FXR2: variants seen among roughly 807,000 people sequenced by gnomAD.
The protein encoded by FXR2 is RNA-binding protein FXR2.
In FXR2, 9 loss-of-function variants were observed where a neutral mutation model predicts 87.3. That is an observed-to-expected ratio of 0.10 (90% CI 0.06 to 0.18). FXR2 has a LOEUF of 0.18. Among genes scored for constraint, FXR2 ranks in the 10% least tolerant of loss-of-function variants. The probability of loss-of-function intolerance (pLI) is 1.00; values close to 1 mark genes in which losing one functional copy is unlikely to be tolerated. For synonymous variants in FXR2, 331 were observed against 328.3 expected, an observed-to-expected ratio of 1.01 and a Z score of -0.09; for missense variants, 661 against 893.6, an observed-to-expected ratio of 0.74 and a Z score of 3.32.
chr17:7,612,986 G>C (rs561992919), intron 1 of FXR2, among the ~76,000 whole-genome samples: 1 of 94,986 alleles, frequency 1.1e-5, no homozygotes, highest in East Asian at 3.7e-4. Context: ...AACAGGGCGA[G>C]ACTCCATCTC....
chr17:7,609,981 T>TATATATATATGCATATGTATAC (rs2071843638), intron 1 of FXR2, among the ~76,000 whole-genome samples: 4 of 48,542 alleles, frequency 8.2e-5, no homozygotes, highest in African/African-American at 2.0e-4. Context: ...TATGTATACA[T>TATATATATATGCATATGTATAC]ATATATATAC....
At position 7,609,933 on chromosome 17, in the gene FXR2, T is replaced by TATATATACATGTATATGTATAC. The variant is rs1555572209; in HGVS notation, c.82-3806_82-3785dup. On this transcript the variant is annotated intron_variant, in intron 1 of 16. Coordinates refer to ENST00000250113, the MANE Select transcript of FXR2 (RefSeq NM_004860.4). Reference sequence around the variant, plus strand: ...ATATGTATATATACATGTATATGTATATATATACATGTATATGTATACATA... The same window carrying TATATATACATGTATATGTATAC: ...ATATGTATATATACATGTATATGTATATATATACATGTATATGTATACATATATACATGTATATGTATACATA... Among the ~76,000 whole-genome samples, 753 of 103,744 alleles carry TATATATACATGTATATGTATAC rather than the reference T, an allele frequency of 7.3e-3. 9 individuals carry two copies. The highest frequency in any genetic ancestry group is 0.011 in the Non-Finnish European group (540 of 48,966). 68.1% of individuals were successfully genotyped at this position (103,744 alleles called of 152,430 possible). A position where few individuals can be genotyped will look rare whatever the true frequency, so the allele number is the denominator to read the frequency against.
rs2071670991 is a variant in FXR2, at chr17:7,592,456, C to T, written c.1825+48G>A. Reference sequence around the variant, plus strand: ...CTGATTTTCACAGGGGTGAGCATCCCATTCTCTCAGCTCTGAGGAAGGATT... The same window carrying T: ...CTGATTTTCACAGGGGTGAGCATCCTATTCTCTCAGCTCTGAGGAAGGATT... On this transcript the variant is annotated intron_variant, in intron 15 of 16. Coordinates refer to ENST00000250113, the MANE Select transcript of FXR2 (RefSeq NM_004860.4). The surrounding 1 kb of genome is among the most constrained non-coding windows in gnomAD (Gnocchi z 4.8). 1.9e-6 allele frequency: 3 copies of T among 1,576,200 alleles called. No individual in the cohort carries two copies. The highest frequency in any genetic ancestry group is 1.7e-4 in the Middle Eastern group (1 of 5,984).
At position 7,591,587 on chromosome 17, in the gene FXR2, C is replaced by T; in HGVS notation, c.*243G>A. ...GGGCATTAGAGGATAAAGGCACATC[C>T]AGTCTGATGGGGAAGGAGAGAGGCT... On this transcript the variant is annotated 3_prime_UTR_variant, in exon 17 of 17. Coordinates refer to ENST00000250113, the MANE Select transcript of FXR2 (RefSeq NM_004860.4). The surrounding 1 kb of genome is among the most constrained non-coding windows in gnomAD (Gnocchi z 4.0). 1.9e-6 allele frequency: 1 copy of T among 524,156 alleles called. No individual in the cohort carries two copies. Among genetic ancestry groups the T allele is most frequent in the Non-Finnish European group, 3.5e-6 (1 of 288,540 alleles). 32.5% of individuals were successfully genotyped at this position (524,156 alleles called of 1,614,324 possible). A position where few individuals can be genotyped will look rare whatever the true frequency, so the allele number is the denominator to read the frequency against.
chr17:7,602,031 G>A (rs1374935262), intron 6 of FXR2, among the ~76,000 whole-genome samples: 3 of 152,180 alleles, frequency 2.0e-5, no homozygotes, highest in Non-Finnish European at 4.4e-5. Flanking sequence ...AAAGCAAGGA[G>A]CAAGCATAAG....
intron 7 of FXR2, among the ~76,000 whole-genome samples, chr17:7,600,855 G>A (rs2071749432): frequency 6.6e-6 from 1 of 151,922 alleles, no homozygotes; most frequent in African/African-American, 2.4e-5. Context: ...TTACACTACA[G>A]CCTGGGTGAC....
chr17:7,608,633 G>A (rs2071824571), intron 1 of FXR2, among the ~76,000 whole-genome samples: 1 of 148,860 alleles, frequency 6.7e-6, no homozygotes, highest in Non-Finnish European at 1.5e-5. Flanking sequence ...AAAAAAAGAA[G>A]AAAAGAAGAA....
At position 7,592,708 on chromosome 17, in the gene FXR2, G is replaced by C. The variant is rs748443571; in HGVS notation, c.1715C>G (p.Thr572Arg). The C allele has an allele frequency of 3.1e-6, 5 of 1,613,806 alleles. No individual in the cohort carries two copies. In the South Asian group the frequency reaches 5.5e-5, roughly 18 times the overall value. Residue 572 changes from threonine (T) to arginine (R), a missense_variant, in exon 14 of 17, where the codon ACA becomes AGA. Transcript: ENST00000250113. This position sits in a 1 kb window ranked among gnomAD's most constrained non-coding sequence, Gnocchi z 4.8. ...CACACCCTCACCCAGGCCATTCTCT[G>C]TCATGTTGGGCCCATCTGATTCCAG... ...GGLESDGPNMTENGLEDESRP... is the reference protein window; with the variant it reads ...GGLESDGPNMRENGLEDESRP...
intron 6 of FXR2, 79 bp downstream of exon 6, chr17:7,602,830 C>G: frequency 1.4e-6 from 1 of 733,016 alleles, no homozygotes; most frequent in Non-Finnish European, 2.4e-6. Context: ...AAGCCCTTCT[C>G]TTTCTGCAAA....
Position 7,614,555 on chromosome 17 carries a change from C to T in FXR2, c.-23G>A, listed in dbSNP as rs984627310. The T allele has an allele frequency of 4.2e-6, 6 of 1,421,248 alleles. No individual in the cohort carries two copies. The highest frequency in any genetic ancestry group is 5.5e-6 in the Non-Finnish European group (6 of 1,082,262). The allele number at this position is 1,421,248 out of a possible 1,614,324, so 88.0% of individuals were successfully genotyped here. ...CATGGCGCCGCCACCGCCTCCGACT[C>T]CCCCGGCGGCGGCTGCAGCAGCAGT... On this transcript the variant is annotated 5_prime_UTR_variant, in exon 1 of 17. Coordinates refer to ENST00000250113, the MANE Select transcript of FXR2 (RefSeq NM_004860.4).
rs1777515144 is a variant in FXR2 at position 7,603,905 on chromosome 17, A to C, written c.301T>G (p.Phe101Val). 1 of 1,613,830 alleles carries C rather than the reference A, an allele frequency of 6.2e-7. No individual in the cohort carries two copies. Residue 101 changes from phenylalanine (F) to valine (V), a missense_variant and splice_region_variant, in exon 5 of 17, where the codon TTC becomes GTC. Transcript: ENST00000250113. ...LARVRMMKGD[F>V]YVIEYAACDA... ...CAGGCAGCATATTCAATGACATAGAACTGGCACATGGTAAAAAAGGAGAAG... is the reference window on the plus strand; with the variant it reads ...CAGGCAGCATATTCAATGACATAGACCTGGCACATGGTAAAAAAGGAGAAG...
chr17:7,591,972 T>C lies in FXR2; in HGVS notation c.1927-47A>G, dbSNP rs1057099301. On this transcript the variant is annotated intron_variant, in intron 16 of 16. Coordinates refer to ENST00000250113, the MANE Select transcript of FXR2 (RefSeq NM_004860.4). The surrounding 1 kb of genome is among the most constrained non-coding windows in gnomAD (Gnocchi z 4.0). ...AAACAGAAAAGCAAGAAGCGGTGAG[T>C]AGAAATTCAGGTGGGAGACATTCCC... The C allele has an allele frequency of 3.8e-6, 5 of 1,298,788 alleles. No homozygotes were observed. The African/African-American group carries it at 4.4e-5, about 11-fold the overall frequency. 80.5% of individuals were successfully genotyped at this position (1,298,788 alleles called of 1,614,324 possible).
chr17:7,599,835 G>A (rs2071738602), intron 7 of FXR2, among the ~76,000 whole-genome samples: 1 of 152,064 alleles, frequency 6.6e-6, no homozygotes, highest in Non-Finnish European at 1.5e-5. Flanking sequence ...CCAAGATAGC[G>A]CCACTGCGCT....
rs74382606 is a variant in FXR2 at position 7,609,304 on chromosome 17, T to C, written c.82-3155A>G. Reference sequence around the variant, plus strand: ...TCACAAACACTTACCAGATTGCTATTTCCTTACGATGGGAAAATCTAAGCC... The same window carrying C: ...TCACAAACACTTACCAGATTGCTATCTCCTTACGATGGGAAAATCTAAGCC... On this transcript the variant is annotated intron_variant, in intron 1 of 16. Transcript: ENST00000250113. Among the ~76,000 whole-genome samples, 1,099 of 152,262 alleles carry C rather than the reference T, an allele frequency of 7.2e-3. 11 individuals carry two copies. Among genetic ancestry groups the C allele is most frequent in the African/African-American group, 0.025 (1,020 of 41,540 alleles).
chr17:7,599,267 C>T (rs1003575651), intron 7 of FXR2, among the ~76,000 whole-genome samples: 15 of 152,024 alleles, frequency 9.9e-5, no homozygotes, highest in Non-Finnish European at 1.0e-4. Context: ...CCACTACATA[C>T]ACTCCAGCCT....
Position 7,605,672 on chromosome 17 carries a change from C to T in FXR2, c.201G>A (p.Lys67=). Residue 67 remains lysine, a synonymous_variant, in exon 3 of 17, where the codon AAG becomes AAA. Coordinates refer to ENST00000250113, the MANE Select transcript of FXR2 (RefSeq NM_004860.4). The part of the protein sequence containing the change: ...VRLPPPADYN[K]EITEGDEVEV... The stretch of plus-strand genomic sequence containing the variant: ...CCACTTCATCCCCTTCTGTGATCTC[C>T]TTATTATAGTCAGCTGGAGGTGGTA... The T allele has an allele frequency of 6.3e-7, 1 of 1,585,186 alleles. No individual in the cohort carries two copies. The highest frequency in any genetic ancestry group is 8.7e-7 in the Non-Finnish European group (1 of 1,154,672).
intron 3 of FXR2, among the ~76,000 whole-genome samples, chr17:7,604,721 CTTTT>C (rs202152843): frequency 3.8e-5 from 5 of 130,530 alleles, no homozygotes; most frequent in Non-Finnish European, 4.9e-5. Context: ...TGGGATGCAT[CTTTT>C]TTTTTTTTTT....
At chr17:7,596,047 G>C in intron 7 of FXR2, 53 bp from the exon 8 acceptor site, 1 of 1,374,458 alleles carries the variant, frequency 7.3e-7, no homozygotes, top group South Asian at 1.2e-5. Context: ...CACAGTCCCA[G>C]GCACACGACC....
chr17:7,611,010 T>C (rs1436280269), intron 1 of FXR2, among the ~76,000 whole-genome samples: 1 of 152,104 alleles, frequency 6.6e-6, no homozygotes, highest in Non-Finnish European at 1.5e-5. Context: ...ACAGTCTGAG[T>C]AAAAACCAAG....
Sources: allele counts gnomAD v4.1 joint callset (sites outside exome capture counted in the v4.1 genomes callset), GRCh38; gene constraint gnomAD v4.1.1; non-coding constraint Gnocchi (gnomAD v3.1); transcripts MANE v1.5; gene names NCBI Gene and HGNC (gene_info 2026-07-23, HGNC 2026-07-21).